MROH9: variants seen among roughly 807,000 people sequenced by gnomAD.
The protein encoded by MROH9 is maestro heat like repeat family member 9, also known as maestro heat-like repeat-containing protein family member 9.
MROH9 carries 92 observed loss-of-function variants against 98.2 expected under a neutral mutation model. The ratio of observed to expected loss-of-function variants is 0.94; its 90% CI spans 0.79 to 1.11. The LOEUF is 1.11. Ranked by LOEUF, MROH9 falls within the 50% of genes most tolerant of loss-of-function variation. The pLI is 0.00. For missense variants in MROH9, 1,057 were observed against 1,014.8 expected (o/e 1.04, Z -0.57); for synonymous variants, 397 against 368.9 (o/e 1.08, Z -0.87).
At chr1:171,025,673 A>T (rs1652685340) in intron 20 of MROH9, among the ~76,000 whole-genome samples, 1 of 152,212 alleles carries the variant, frequency 6.6e-6, no homozygotes, top group Admixed American at 6.5e-5. Flanking sequence ...TAAGACAGTG[A>T]CATACCATTG....
intron 20 of MROH9, among the ~76,000 whole-genome samples, chr1:171,043,542 A>T (rs1653372994): frequency 6.6e-6 from 1 of 151,726 alleles, no homozygotes; most frequent in East Asian, 1.9e-4. Context: ...TTTGATAGGG[A>T]TTGTATTTAA....
chr1:170,938,224 T>C (rs1435841286), intron 1 of MROH9, among the ~76,000 whole-genome samples: 1 of 151,988 alleles, frequency 6.6e-6, no homozygotes, highest in Non-Finnish European at 1.5e-5. Context: ...TATTGTCGTG[T>C]CCCCTGATGG....
intron 20 of MROH9, among the ~76,000 whole-genome samples, chr1:171,030,547 A>C (rs987980278): frequency 6.6e-6 from 1 of 152,208 alleles, no homozygotes; most frequent in Non-Finnish European, 1.5e-5. Flanking sequence ...TTGTTTACCC[A>C]GGAGTCATTC....
chr1:171,032,182 C>A (rs550862731), intron 20 of MROH9, among the ~76,000 whole-genome samples: 2 of 152,238 alleles, frequency 1.3e-5, no homozygotes, highest in South Asian at 2.1e-4. Flanking sequence ...CTCCTATAAC[C>A]TTTTATCAAA....
At chr1:170,980,227 G>GA (rs1055181347) in intron 8 of MROH9, among the ~76,000 whole-genome samples, 1 of 151,986 alleles carries the variant, frequency 6.6e-6, no homozygotes, top group African/African-American at 2.4e-5. Context: ...CACACGATTA[G>GA]AAAAAAACTA....
intron 20 of MROH9, among the ~76,000 whole-genome samples, chr1:171,055,070 T>C (rs369928337): frequency 2.7e-5 from 4 of 150,464 alleles, no homozygotes; most frequent in Non-Finnish European, 5.9e-5. Flanking sequence ...CGCATGTTTA[T>C]GGCAGTACAA....
chr1:170,947,661 A>G (rs770436097), intron 3 of MROH9, 88 bp downstream of exon 3: 6 of 1,213,282 alleles, frequency 4.9e-6, no homozygotes, highest in Non-Finnish European at 7.2e-6. Context: ...GGATGTTACA[A>G]GTAATGTTTA....
chr1:170,964,246 A>T (rs886216147), intron 6 of MROH9, among the ~76,000 whole-genome samples: 1 of 152,082 alleles, frequency 6.6e-6, no homozygotes, highest in Admixed American at 6.6e-5. Flanking sequence ...GAGCCCCTCT[A>T]GCTTGGAAGC....
Position 171,055,244 on chromosome 1 carries a change from T to C in MROH9, c.2282-6888T>C, listed in dbSNP as rs150464070. Among the ~76,000 whole-genome samples the C allele has an allele frequency of 2.0e-5, 3 of 152,296 alleles. No homozygotes were observed. In the East Asian group the frequency reaches 5.8e-4, roughly 29 times the overall value. The stretch of plus-strand genomic sequence containing the variant: ...GATAACTGGAGATCCTTTTTCTAAG[T>C]GAAGTAACTCAAGAATGGAAAACCA... On this transcript the variant is annotated intron_variant, in intron 20 of 21. Transcript: ENST00000367759.
chr1:170,996,776 T>A (rs1442493874), intron 14 of MROH9, 132 bp downstream of exon 14: 1 of 875,456 alleles, frequency 1.1e-6, no homozygotes, highest in Non-Finnish European at 1.7e-6. Flanking sequence ...TCTGAGTTGC[T>A]ATTTGATTTC....
At chr1:170,998,133 G>T in intron 14 of MROH9, 21 bp from the exon 15 acceptor site, 2 of 1,568,034 alleles carry the variant, frequency 1.3e-6, no homozygotes, top group Non-Finnish European at 1.7e-6. Flanking sequence ...TGCTAATTCA[G>T]TGCCTTATTC....
chr1:170,987,352 C>T (rs971209290), intron 10 of MROH9, among the ~76,000 whole-genome samples: 1 of 152,138 alleles, frequency 6.6e-6, no homozygotes, highest in African/African-American at 2.4e-5. Flanking sequence ...GGAATGATTT[C>T]AAAGACTCTC....
chr1:170,972,827 A>ACACACAC (rs1491482500), intron 8 of MROH9, among the ~76,000 whole-genome samples: 10 of 99,432 alleles, frequency 1.0e-4, no homozygotes, highest in East Asian at 5.6e-4. Flanking sequence ...AAAAAAAAAA[A>ACACACAC]ATACACACAC....
intron 17 of MROH9, among the ~76,000 whole-genome samples, chr1:171,022,211 C>G (rs1439040500): frequency 6.6e-6 from 1 of 152,104 alleles, no homozygotes; most frequent in Non-Finnish European, 1.5e-5. Flanking sequence ...GATCTAGAAC[C>G]AGAAATACCA....
intron 20 of MROH9, among the ~76,000 whole-genome samples, chr1:171,043,523 G>A (rs1653372450): frequency 6.6e-6 from 1 of 151,728 alleles, no homozygotes; most frequent in Admixed American, 6.6e-5. Flanking sequence ...GAATGTCATT[G>A]GTATTTATTT....
In MROH9 at chr1:170,992,081, C is replaced by T. The variant is rs1352754380; in HGVS notation, c.1029-83C>T. On this transcript the variant is annotated intron_variant, in intron 11 of 21. Coordinates refer to ENST00000367759, the MANE Select transcript of MROH9 (RefSeq NM_001163629.2). ...GCTATATAAAAATGTAAAACCAAGA[C>T]TATTTTCCTGATTCTTGTTATTCTA... is the stretch of plus-strand genomic sequence containing the variant. The T allele has an allele frequency of 1.0e-5, 14 of 1,388,866 alleles. No individual in the cohort carries two copies. In the East Asian group the frequency reaches 3.4e-4, roughly 33 times the overall value. 86.0% of individuals were successfully genotyped at this position (1,388,866 alleles called of 1,614,324 possible). A position where few individuals can be genotyped will look rare whatever the true frequency, so the allele number is the denominator to read the frequency against.
chr1:170,995,128 C>T (rs1189252309), intron 12 of MROH9, among the ~76,000 whole-genome samples: 1 of 152,106 alleles, frequency 6.6e-6, no homozygotes, highest in Non-Finnish European at 1.5e-5. Context: ...TGGAAACCAA[C>T]CTGCATCCCA....
chr1:170,970,693 T>C (rs1205843165), intron 7 of MROH9, among the ~76,000 whole-genome samples: 5 of 150,428 alleles, frequency 3.3e-5, no homozygotes, highest in Non-Finnish European at 7.4e-5. Context: ...ATTTCTTCCT[T>C]AGGAATTTCT....
At position 170,992,255 on chromosome 1, in the gene MROH9, C is replaced by A. The variant is rs866116077; in HGVS notation, c.1120C>A (p.Pro374Thr). The A allele has an allele frequency of 6.2e-7, 1 of 1,613,518 alleles. No homozygotes were observed. Among genetic ancestry groups the A allele is most frequent in the Non-Finnish European group, 8.5e-7 (1 of 1,179,674 alleles). ...KTILLILKGKPGEMEDTVTEG... is the reference protein window; with the variant it reads ...KTILLILKGKTGEMEDTVTEG... ...AATCTTATTGATACTGAAAGGAAAGCCTGGGGAAATGGAGGACACCGTAAC... is the reference window on the plus strand; with the variant it reads ...AATCTTATTGATACTGAAAGGAAAGACTGGGGAAATGGAGGACACCGTAAC... Residue 374 changes from proline (P) to threonine (T), a missense_variant, in exon 12 of 22, where the codon CCT (proline) becomes ACT (threonine). Physicochemically the swap from Pro to Thr is conservative, Grantham distance 38. Transcript: ENST00000367759.
Sources: gnomAD v4.1 joint callset for allele counts (sites outside exome capture counted in the v4.1 genomes callset) on GRCh38, gnomAD v4.1.1 for gene constraint, MANE v1.5 for transcripts, NCBI Gene and HGNC (gene_info 2026-07-23, HGNC 2026-07-21) for gene names.